SH3GL2: variants seen among roughly 807,000 people sequenced by gnomAD.
The protein encoded by SH3GL2 is endophilin-A1.
SH3GL2 carries 24 observed loss-of-function variants against 46.0 expected under a neutral mutation model. The observed-to-expected ratio is 0.52, with a 90% CI of 0.38 to 0.73. SH3GL2 has a LOEUF of 0.73. Ranked by LOEUF, SH3GL2 falls within the 30% of genes least tolerant of loss-of-function variation. SH3GL2 has a pLI of 0.00. For synonymous variants in SH3GL2, 196 were observed against 147.1 expected (o/e 1.33, Z -2.40); for missense variants, 413 against 424.2 (o/e 0.97, Z 0.23).
At chr9:17,772,542 G>A (rs1278511740) in intron 3 of SH3GL2, among the ~76,000 whole-genome samples, 3 of 152,134 alleles carry the variant, frequency 2.0e-5, no homozygotes, top group South Asian at 4.2e-4. Flanking sequence ...CTACTTTCTG[G>A]CTCTATGATT....
rs934242517 is a variant in SH3GL2 at position 17,611,514 on chromosome 9, C to T, written c.45+32227C>T. On this transcript the variant is annotated intron_variant, in intron 1 of 8. Coordinates refer to ENST00000380607, the MANE Select transcript of SH3GL2 (RefSeq NM_003026.5). ...CAGAGACCTTGACTTTCCATGTCAT[C>T]GCATTGGTGTGTTTGAGATGTGTGT... 5.9e-5 allele frequency among the ~76,000 whole-genome samples: 9 copies of T among 152,116 alleles called. No individual in the cohort carries two copies. The East Asian group carries it at 1.5e-3, about 26-fold the overall frequency.
chr9:17,720,002 T>G (rs2118336096), intron 1 of SH3GL2, among the ~76,000 whole-genome samples: 1 of 152,144 alleles, frequency 6.6e-6, no homozygotes, highest in South Asian at 2.1e-4. Context: ...TTTGATGTGT[T>G]GAATATCCTG....
chr9:17,758,358 C>T (rs535311969), intron 2 of SH3GL2, among the ~76,000 whole-genome samples: 26 of 151,754 alleles, frequency 1.7e-4, no homozygotes, highest in East Asian at 5.9e-4. Flanking sequence ...GCCAGGAGTT[C>T]GAGACCAGCC....
At chr9:17,771,522 C>T (rs1292178706) in intron 3 of SH3GL2, among the ~76,000 whole-genome samples, 1 of 152,196 alleles carries the variant, frequency 6.6e-6, no homozygotes, top group African/African-American at 2.4e-5. Flanking sequence ...CCACCACCCT[C>T]TATTTGCTCT....
At chr9:17,763,751 G>A (rs941313727) in intron 3 of SH3GL2, among the ~76,000 whole-genome samples, 2 of 152,052 alleles carry the variant, frequency 1.3e-5, no homozygotes, top group African/African-American at 2.4e-5. Context: ...AAAAAACAAG[G>A]GTCAGAGAAT....
chr9:17,647,998 C>T (rs900762631), intron 1 of SH3GL2, among the ~76,000 whole-genome samples: 1 of 152,140 alleles, frequency 6.6e-6, no homozygotes, highest in Non-Finnish European at 1.5e-5. Flanking sequence ...ATTTAATGGA[C>T]AGTAAATATA....
rs3837228 is a variant in SH3GL2 at position 17,709,680 on chromosome 9, TACACACAC to T, written c.46-37359_46-37352del. On this transcript the variant is annotated intron_variant, in intron 1 of 8. Coordinates refer to ENST00000380607, the MANE Select transcript of SH3GL2 (RefSeq NM_003026.5). ...TATATATAGTTTAACTTATTTGTATTACACACACACACACACACACACACACACACACA... is the reference window on the plus strand; with the variant it reads ...TATATATAGTTTAACTTATTTGTATTACACACACACACACACACACACACA... 2.1e-3 allele frequency among the ~76,000 whole-genome samples: 316 copies of T among 148,268 alleles called. 1 individual carries two copies. The highest frequency in any genetic ancestry group is 6.2e-3 in the African/African-American group (251 of 40,172).
chr9:17,732,112 CTT>C (rs1197189659), intron 1 of SH3GL2, among the ~76,000 whole-genome samples: 1 of 152,074 alleles, frequency 6.6e-6, no homozygotes, highest in African/African-American at 2.4e-5. Flanking sequence ...CACTTTCACT[CTT>C]TTTTTGGACT....
At chr9:17,756,909 C>T (rs542243406) in intron 2 of SH3GL2, among the ~76,000 whole-genome samples, 3 of 152,320 alleles carry the variant, frequency 2.0e-5, no homozygotes, top group South Asian at 2.1e-4. Context: ...ACACTGTCTT[C>T]CACAATGGTT....
intron 3 of SH3GL2, among the ~76,000 whole-genome samples, chr9:17,771,918 C>T (rs571061084): frequency 5.9e-5 from 9 of 152,270 alleles, no homozygotes; most frequent in Admixed American, 1.3e-4. Flanking sequence ...TCTTCCTCTT[C>T]CCTTTTCTCA....
chr9:17,662,434 C>T (rs1252682230), intron 1 of SH3GL2, among the ~76,000 whole-genome samples: 3 of 152,138 alleles, frequency 2.0e-5, no homozygotes, highest in African/African-American at 7.2e-5. Context: ...CAGAGTCTGT[C>T]ATCATTAGCT....
intron 1 of SH3GL2, among the ~76,000 whole-genome samples, chr9:17,690,410 T>A (rs1035264720): frequency 6.6e-6 from 1 of 152,138 alleles, no homozygotes; most frequent in African/African-American, 2.4e-5. Context: ...CCCTTGATTT[T>A]GACCTCTTTG....
intron 1 of SH3GL2, among the ~76,000 whole-genome samples, chr9:17,678,997 A>G (rs201376794): frequency 2.4e-4 from 37 of 151,992 alleles, no homozygotes; most frequent in African/African-American, 5.3e-4. Context: ...CTATATCTCT[A>G]TTTTGGTACC....
chr9:17,594,624 T>G (rs540076889), intron 1 of SH3GL2, among the ~76,000 whole-genome samples: 1 of 152,208 alleles, frequency 6.6e-6, no homozygotes, highest in South Asian at 2.1e-4. Flanking sequence ...TCTGCACATG[T>G]ATCCTGGAAC....
chr9:17,642,829 A>G (rs907739062), intron 1 of SH3GL2, among the ~76,000 whole-genome samples: 1 of 152,066 alleles, frequency 6.6e-6, no homozygotes, highest in African/African-American at 2.4e-5. Context: ...TCTTGGCTAT[A>G]TGGACTTTTT....
intron 2 of SH3GL2, among the ~76,000 whole-genome samples, chr9:17,751,226 G>C (rs988905728): frequency 6.6e-6 from 1 of 152,190 alleles, no homozygotes; most frequent in African/African-American, 2.4e-5. Flanking sequence ...GAGAAAGAAT[G>C]CCATTTCATA....
chr9:17,738,641 TAGAGAGAG>T (rs1554645334), intron 1 of SH3GL2, among the ~76,000 whole-genome samples: 10 of 88,900 alleles, frequency 1.1e-4, no homozygotes, highest in African/African-American at 3.7e-4. Flanking sequence ...TATATATATA[TAGAGAGAG>T]AGAGAGAGAG....
Position 17,579,182 on chromosome 9 carries a change from C to G in SH3GL2, c.-61C>G. 2 of 1,323,104 alleles carry G rather than the reference C, an allele frequency of 1.5e-6. No individual in the cohort carries two copies. The highest frequency in any genetic ancestry group is 1.9e-4 in the Middle Eastern group (1 of 5,274). 82.0% of individuals were successfully genotyped at this position (1,323,104 alleles called of 1,614,324 possible). ...GGGGAGCGCGCCGCCCCGCTCGGCC[C>G]TCCAGTCCCCCTCCGCCTCCTCCCT... On this transcript the variant is annotated 5_prime_UTR_variant, in exon 1 of 9. Transcript: ENST00000380607.
chr9:17,778,869 G>T (rs1014265209), intron 3 of SH3GL2, among the ~76,000 whole-genome samples: 1 of 152,138 alleles, frequency 6.6e-6, no homozygotes, highest in Admixed American at 6.5e-5. Context: ...AGAATGAATG[G>T]AGTTGTATTC....
Sources: allele counts gnomAD v4.1 joint callset (sites outside exome capture counted in the v4.1 genomes callset), GRCh38; gene constraint gnomAD v4.1.1; transcripts MANE v1.5; gene names NCBI Gene and HGNC (gene_info 2026-07-23, HGNC 2026-07-21).